The following CIMAP3 variants were observed in gnomAD, a reference collection of about 807,000 sequenced individuals.
CIMAP3 encodes ciliary microtubule associated protein 3, also known as ciliary microtubule-associated protein 3.
chr1:111,351,608 C>A, the CIMAP3 span: 1 of 275,732 alleles, frequency 3.6e-6, no homozygotes, highest in Admixed American at 4.9e-5. Flanking sequence ...TTGTGGGCCC[C>A]TGCTCTCTAG....
chr1:111,329,516 C>CATATATATATAT, the CIMAP3 span, among the ~76,000 whole-genome samples: 166 of 106,190 alleles, frequency 1.6e-3, no homozygotes, highest in East Asian at 3.8e-3. Context: ...CACATAAACC[C>CATATATATATAT]ATATATATAT....
the CIMAP3 span, chr1:111,348,725 AAAG>A: frequency 7.3e-7 from 1 of 1,377,240 alleles, no homozygotes; most frequent in Admixed American, 2.5e-5. Flanking sequence ...AGAAGCACAT[AAAG>A]AAGGGATGAC....
the CIMAP3 span, chr1:111,350,320 G>T: frequency 1.0e-6 from 1 of 989,518 alleles, no homozygotes; most frequent in Admixed American, 2.3e-5. Context: ...ATGAACTTCA[G>T]GAAGTCCTTG....
At chr1:111,339,416 T>C in the CIMAP3 span, among the ~76,000 whole-genome samples, 2 of 149,894 alleles carry the variant, frequency 1.3e-5, no homozygotes, top group East Asian at 3.9e-4. Context: ...AGTCAAATTG[T>C]CCCTGTTTGC....
At chr1:111,348,319 G>A in the CIMAP3 span, 81,289 of 454,972 alleles carry the variant, frequency 0.18, 8,157 homozygotes, top group East Asian at 0.33. Flanking sequence ...TATATATTAC[G>A]TATCACTAGG....
chr1:111,347,181 C>A, the CIMAP3 span: 18 of 1,059,712 alleles, frequency 1.7e-5, no homozygotes, highest in Non-Finnish European at 2.4e-5. Context: ...AGAAAGCGCT[C>A]TGTTCTTCTG....
At chr1:111,325,133 C>T in the CIMAP3 span, among the ~76,000 whole-genome samples, 19 of 152,298 alleles carry the variant, frequency 1.2e-4, no homozygotes, top group African/African-American at 4.6e-4. Flanking sequence ...AGCTGCAGCC[C>T]TGGGCATGGA....
chr1:111,333,334 C>CT, the CIMAP3 span, among the ~76,000 whole-genome samples: 1,206 of 152,222 alleles, frequency 7.9e-3, 16 homozygotes, highest in African/African-American at 0.027. Context: ...AAAGATGGAG[C>CT]GCAGTGCTGG....
the CIMAP3 span, chr1:111,349,866 T>C: frequency 2.4e-6 from 1 of 416,104 alleles, no homozygotes; most frequent in African/African-American, 2.0e-5. Flanking sequence ...AAATATCTTT[T>C]AATCTGGAGT....
chr1:111,346,815 T>C, the CIMAP3 span: 1 of 1,577,466 alleles, frequency 6.3e-7, no homozygotes, highest in South Asian at 1.1e-5. Flanking sequence ...TTGGGCCCTG[T>C]CCTCTGCTCA....
the CIMAP3 span, among the ~76,000 whole-genome samples, chr1:111,345,633 A>G: frequency 6.6e-6 from 1 of 152,192 alleles, no homozygotes; most frequent in South Asian, 2.1e-4. Context: ...TCATCCCTGA[A>G]GGCTGTCCTA....
At chr1:111,336,898 G>A in the CIMAP3 span, among the ~76,000 whole-genome samples, 7 of 151,940 alleles carry the variant, frequency 4.6e-5, no homozygotes, top group Admixed American at 3.9e-4. Context: ...ATAATTGTCA[G>A]ATTCACCAAA....
chr1:111,347,626 T>TTTTTTTTTTTTTTTTGTGTTTTTG, the CIMAP3 span: 1 of 1,162,326 alleles, frequency 8.6e-7, no homozygotes, highest in Non-Finnish European at 1.2e-6. Flanking sequence ...TTCTTTCTTT[T>TTTTTTTTTTTTTTTTGTGTTTTTG]TTTTTTTTTT....
chr1:111,340,566 CAAA>C, the CIMAP3 span, among the ~76,000 whole-genome samples: 8 of 152,040 alleles, frequency 5.3e-5, no homozygotes, highest in Admixed American at 5.2e-4. Context: ...AGACACTTCT[CAAA>C]AGAAGACATT....
chr1:111,347,618 C>CTTTTTTTTTTTTTTTTTT, the CIMAP3 span: 1 of 928,430 alleles, frequency 1.1e-6, no homozygotes, highest in Admixed American at 2.2e-5. Context: ...GTTGTTTTTT[C>CTTTTTTTTTTTTTTTTTT]TTTCTTTTTT....
At chr1:111,325,753 ATTC>A in the CIMAP3 span, among the ~76,000 whole-genome samples, 1 of 152,196 alleles carries the variant, frequency 6.6e-6, no homozygotes, top group East Asian at 1.9e-4. Flanking sequence ...AAGTAGTCAG[ATTC>A]TTGCACCATA....
chr1:111,349,996 G>A, the CIMAP3 span: 1 of 730,252 alleles, frequency 1.4e-6, no homozygotes, highest in Non-Finnish European at 2.3e-6. Context: ...TAATCAATCT[G>A]TTGCCTTTTT....
the CIMAP3 span, among the ~76,000 whole-genome samples, chr1:111,334,843 G>A: frequency 6.6e-6 from 1 of 152,120 alleles, no homozygotes; most frequent in Non-Finnish European, 1.5e-5. Context: ...AAAATAAACA[G>A]ATGTCACGCA....
chr1:111,326,243 A>T, the CIMAP3 span, among the ~76,000 whole-genome samples: 2 of 152,138 alleles, frequency 1.3e-5, no homozygotes, highest in African/African-American at 2.4e-5. Context: ...GACAGAACTT[A>T]CACCTTGTAT....
Sources: allele counts gnomAD v4.1 joint callset (sites outside exome capture counted in the v4.1 genomes callset), GRCh38; gene constraint gnomAD v4.1.1; transcripts MANE v1.5; gene names NCBI Gene and HGNC (gene_info 2026-07-23, HGNC 2026-07-21).